The following INPP5J variants were observed in gnomAD, a reference collection of about 807,000 sequenced individuals.
INPP5J encodes the protein phosphatidylinositol 4,5-bisphosphate 5-phosphatase A.
INPP5J carries 75 observed loss-of-function variants against 86.6 expected under a neutral mutation model. The ratio of observed to expected loss-of-function variants is 0.87; its 90% CI spans 0.72 to 1.05. INPP5J has a LOEUF of 1.05. INPP5J is among the 50% of genes least tolerant of loss of function. The pLI, the probability that INPP5J is intolerant of heterozygous loss-of-function variation, is 0.00. For synonymous variants in INPP5J, 540 were observed against 550.0 expected (o/e 0.98, Z 0.25); for missense variants, 1,229 against 1,341.2 (o/e 0.92, Z 1.31).
chr22:31,125,081 G>T lies in INPP5J; in HGVS notation c.342G>T (p.Leu114=), dbSNP rs559615439. ...SSLAPTSVGQ[L]VMSASAGPKP... is the part of the protein sequence containing the mutation. ...TGGCCCCAACATCTGTGGGCCAGCT[G>T]GTGATGTCTGCCTCAGCTGGACCAA... The change falls in exon 2 of 13, where the codon CTG becomes CTT. Residue 114 remains leucine, a synonymous_variant. Transcript: ENST00000331075. 6.5e-7 allele frequency: 1 copy of T among 1,549,734 alleles called. No homozygotes were observed. The highest frequency in any genetic ancestry group is 2.0e-5 in the Admixed American group (1 of 51,002).
intron 1 of INPP5J, 48 bp downstream of exon 1, chr22:31,123,167 C>T (rs1921017508): frequency 7.8e-6 from 9 of 1,160,558 alleles, no homozygotes; most frequent in Non-Finnish European, 1.1e-5. Context: ...ATCCCTGGTT[C>T]CACACACCCC....
chr22:31,122,978 G>A lies in INPP5J; in HGVS notation c.-37G>A, dbSNP rs773268004. 61 of 1,334,652 alleles carry A rather than the reference G, an allele frequency of 4.6e-5. No individual in the cohort carries two copies. The highest frequency in any genetic ancestry group is 9.3e-5 in the East Asian group (3 of 32,124). The allele number at this position is 1,334,652 out of a possible 1,614,324, so 82.7% of individuals were successfully genotyped here. A position where few individuals can be genotyped will look rare whatever the true frequency, so the allele number is the denominator to read the frequency against. ...TCCCGGGAGCGGTAGAGCTGGAGCCGGAGCCAAGGGAGTCCAGGCTGCCGG... is the reference window on the plus strand; with the variant it reads ...TCCCGGGAGCGGTAGAGCTGGAGCCAGAGCCAAGGGAGTCCAGGCTGCCGG... On this transcript the variant is annotated 5_prime_UTR_variant, in exon 1 of 13. Transcript: ENST00000331075.
At chr22:31,127,325 C>T (rs1405555685) in intron 5 of INPP5J, 32 bp from the exon 6 acceptor site, 13 of 1,571,464 alleles carry the variant, frequency 8.3e-6, no homozygotes, top group East Asian at 2.3e-5. Flanking sequence ...GCCTAAGCCC[C>T]GCCCATGAGC....
chr22:31,127,581 G>T, intron 6 of INPP5J, 49 bp downstream of exon 6: 1 of 1,557,058 alleles, frequency 6.4e-7, no homozygotes, highest in South Asian at 1.2e-5. Flanking sequence ...GCTAGTGATG[G>T]GGGTTTTTGT....
intron 9 of INPP5J, among the ~76,000 whole-genome samples, chr22:31,129,056 C>T (rs1921800537): frequency 6.7e-6 from 1 of 150,186 alleles, no homozygotes; most frequent in African/African-American, 2.5e-5. Flanking sequence ...CCTCAGCCTC[C>T]TGAGTAGCTG....
At chr22:31,123,373 G>A (rs1921047123) in intron 1 of INPP5J, among the ~76,000 whole-genome samples, 1 of 152,144 alleles carries the variant, frequency 6.6e-6, no homozygotes. Flanking sequence ...GGACCCAGCT[G>A]TGCTCCACCT....
chr22:31,128,132 C>A, intron 7 of INPP5J, 70 bp downstream of exon 7: 1 of 1,432,910 alleles, frequency 7.0e-7, no homozygotes. Flanking sequence ...ACTATGGTCC[C>A]TGTCCTCACC....
At position 31,133,979 on chromosome 22, in the gene INPP5J, G is replaced by A. The variant is rs770745621; in HGVS notation, c.2581G>A (p.Glu861Lys). 8 of 1,613,130 alleles carry A rather than the reference G, an allele frequency of 5.0e-6. 1 individual carries two copies. Among genetic ancestry groups the A allele is most frequent in the Non-Finnish European group, 6.8e-6 (8 of 1,179,870 alleles). The change falls in exon 13 of 13, where the codon GAG becomes AAG. Residue 861 changes from glutamate (E) to lysine (K), a missense_variant. Coordinates refer to ENST00000331075, the MANE Select transcript of INPP5J (RefSeq NM_001284285.2). ...TDSSGTSSEG[E>K]DDSTLELLAP... is the part of the protein sequence containing the mutation. ...CAGCTCAGGCACCAGCTCAGAGGGA[G>A]AGGATGACAGCACACTGGAGCTCCT... is the stretch of plus-strand genomic sequence containing the variant.
intron 9 of INPP5J, among the ~76,000 whole-genome samples, chr22:31,129,232 C>CTTTTTT (rs576089657): frequency 0.11 from 8,456 of 78,982 alleles, 948 homozygotes; most frequent in East Asian, 0.34. Context: ...GTCTGGCCAA[C>CTTTTTT]TTTTTTTTTT....
At position 31,133,956 on chromosome 22, in the gene INPP5J, G is replaced by T; in HGVS notation, c.2558G>T (p.Ser853Ile). The change falls in exon 13 of 13, where the codon AGC becomes ATC. Residue 853 changes from serine to isoleucine, a missense_variant. Transcript: ENST00000331075. ...GAGTTGGCCAGCAGCAGCACAGACA[G>T]CTCAGGCACCAGCTCAGAGGGAGAG... ...SSELASSSTD[S>I]SGTSSEGEDD... is the part of the protein sequence containing the mutation. 6.2e-7 allele frequency: 1 copy of T among 1,613,356 alleles called. No homozygotes were observed. The highest frequency in any genetic ancestry group is 8.5e-7 in the Non-Finnish European group (1 of 1,179,854).
chr22:31,129,195 G>T (rs934675474), intron 9 of INPP5J, among the ~76,000 whole-genome samples: 3 of 142,676 alleles, frequency 2.1e-5, no homozygotes, highest in Non-Finnish European at 4.5e-5. Flanking sequence ...CTCCCAAAGT[G>T]CTGGGATTAC....
In INPP5J at chr22:31,125,664, G is replaced by A. The variant is rs1359591708; in HGVS notation, c.925G>A (p.Gly309Ser). 6.4e-6 allele frequency: 10 copies of A among 1,550,412 alleles called. No homozygotes were observed. The South Asian group carries it at 9.5e-5, about 15-fold the overall frequency. Residue 309 changes from glycine (G) to serine (S), a missense_variant, in exon 2 of 13, where the codon GGC (glycine) becomes AGC (serine). Transcript: ENST00000331075. Reference sequence around the variant, plus strand: ...ACCCCAGACCTTGCCCTTGGATGTGGGCCAGGGTCCTTCAGAGCCTGGCAC... The same window carrying A: ...ACCCCAGACCTTGCCCTTGGATGTGAGCCAGGGTCCTTCAGAGCCTGGCAC... Reference protein sequence around the residue: ...RPPQTLPLDVGQGPSEPGTHS... With the variant: ...RPPQTLPLDVSQGPSEPGTHS...
At chr22:31,129,095 C>G (rs1253818988) in intron 9 of INPP5J, among the ~76,000 whole-genome samples, 1 of 151,524 alleles carries the variant, frequency 6.6e-6, no homozygotes. Flanking sequence ...CCACGCCAGG[C>G]TAATTTTTGT....
chr22:31,128,862 A>G lies in INPP5J; in HGVS notation c.2193+208A>G, dbSNP rs181968669. Among the ~76,000 whole-genome samples the G allele has an allele frequency of 2.6e-5, 4 of 151,998 alleles. 1 individual carries two copies. The East Asian group carries it at 7.7e-4, about 29-fold the overall frequency. On this transcript the variant is annotated intron_variant, in intron 9 of 12. Transcript: ENST00000331075. The stretch of plus-strand genomic sequence containing the variant: ...TGGCATCACCTGCCCAGGGTCACCC[A>G]ACTAGTAAGAGGAACAGTTAGGATT...
intron 9 of INPP5J, among the ~76,000 whole-genome samples, chr22:31,131,095 A>C (rs912932818): frequency 1.3e-5 from 2 of 152,208 alleles, no homozygotes; most frequent in African/African-American, 2.4e-5. Flanking sequence ...TCAGTGGGAC[A>C]TTGGCCAATA....
chr22:31,126,655 C>T lies in INPP5J; in HGVS notation c.1428C>T (p.Asp476=), dbSNP rs760244915. The change falls in exon 4 of 13, where the codon GAC becomes GAT. Residue 476 remains aspartate, a synonymous_variant. Coordinates refer to ENST00000331075, the MANE Select transcript of INPP5J (RefSeq NM_001284285.2). ...VNSMLNKRLK[D]ALFTDQWSEL... is the part of the protein sequence containing the mutation. ...CCATGCTCAACAAGCGACTCAAGGA[C>T]GCCCTCTTCACGGACCAGTGGAGTG... The T allele has an allele frequency of 1.9e-5, 31 of 1,613,954 alleles. No individual in the cohort carries two copies. The highest frequency in any genetic ancestry group is 1.3e-4 in the South Asian group (12 of 91,088).
chr22:31,132,992 G>A, intron 9 of INPP5J, 106 bp from the exon 10 acceptor site: 2 of 1,420,838 alleles, frequency 1.4e-6, no homozygotes, highest in Non-Finnish European at 1.9e-6. Flanking sequence ...CTGTAAAGTG[G>A]CCCTTTGTCT....
chr22:31,124,976 G>A lies in INPP5J; in HGVS notation c.237G>A (p.Leu79=), dbSNP rs1374352566. 6 of 1,598,530 alleles carry A rather than the reference G, an allele frequency of 3.8e-6. No individual in the cohort carries two copies. The highest frequency in any genetic ancestry group is 1.3e-5 in the African/African-American group (1 of 74,446). The change falls in exon 2 of 13, where the codon CTG becomes CTA. Residue 79 remains leucine (L), a synonymous_variant. Transcript: ENST00000331075. ...SASSEGPRLA[L]ASPRPILAPL... ...CCTCGGAAGGACCGAGGCTGGCTCT[G>A]GCATCTCCCCGACCAATCCTGGCTC...
chr22:31,129,272 C>G (rs1921841387), intron 9 of INPP5J, among the ~76,000 whole-genome samples: 1 of 110,554 alleles, frequency 9.0e-6, no homozygotes, highest in African/African-American at 3.5e-5. Context: ...CGGAGTCTTG[C>G]TCAGCCGCCC....
Sources: allele counts gnomAD v4.1 joint callset (sites outside exome capture counted in the v4.1 genomes callset), GRCh38; gene constraint gnomAD v4.1.1; transcripts MANE v1.5; gene names NCBI Gene and HGNC (gene_info 2026-07-23, HGNC 2026-07-21).